GMDS: variants seen among roughly 807,000 people sequenced by gnomAD.
The protein encoded by GMDS is GDP-mannose 4,6 dehydratase.
GMDS carries 20 observed loss-of-function variants against 49.9 expected under a neutral mutation model. The ratio of observed to expected loss-of-function variants is 0.40; its 90% CI spans 0.28 to 0.58. The LOEUF (loss-of-function observed/expected upper bound fraction) is 0.58, where lower values mean the gene tolerates loss of function less well. Among genes scored for constraint, GMDS ranks in the 20% least tolerant of loss-of-function variants. The probability of loss-of-function intolerance (pLI) is 0.42; values close to 1 mark genes in which losing one functional copy is unlikely to be tolerated. For missense variants in GMDS, 362 were observed against 481.4 expected (o/e 0.75, Z 2.32); for synonymous variants, 177 against 178.6 (o/e 0.99, Z 0.07).
At chr6:2,030,074 G>A (rs1581541285) in intron 4 of GMDS, among the ~76,000 whole-genome samples, 1 of 151,806 alleles carries the variant, frequency 6.6e-6, no homozygotes, top group Non-Finnish European at 1.5e-5. Flanking sequence ...GAGGAGGGAA[G>A]CGGGTGCCCA....
At chr6:2,120,297 G>A (rs76891371) in intron 2 of GMDS, among the ~76,000 whole-genome samples, 1,975 of 152,152 alleles carry the variant, frequency 0.013, 41 homozygotes, top group African/African-American at 0.045. Flanking sequence ...GGTCAGCCCT[G>A]CCAACACTCA....
chr6:2,137,561 C>T (rs980459952), intron 1 of GMDS, among the ~76,000 whole-genome samples: 3 of 152,030 alleles, frequency 2.0e-5, no homozygotes, highest in East Asian at 1.9e-4. Flanking sequence ...CTCAAACTCC[C>T]GACCTCAGGT....
intron 4 of GMDS, among the ~76,000 whole-genome samples, chr6:2,051,700 T>A (rs1770406023): frequency 6.6e-6 from 1 of 152,184 alleles, no homozygotes; most frequent in Non-Finnish European, 1.5e-5. Flanking sequence ...AAGAATATGT[T>A]TAAGTCTGGT....
At chr6:1,787,148 A>G (rs2113626299) in intron 7 of GMDS, among the ~76,000 whole-genome samples, 1 of 152,378 alleles carries the variant, frequency 6.6e-6, no homozygotes, top group South Asian at 2.1e-4. Context: ...TCCCCTGGCT[A>G]AGCTGCCATC....
chr6:1,718,306 G>A (rs1030097085), intron 9 of GMDS, among the ~76,000 whole-genome samples: 3 of 152,124 alleles, frequency 2.0e-5, no homozygotes, highest in Admixed American at 6.5e-5. Context: ...CGAAGGCACC[G>A]GGAGTGTGAC....
intron 7 of GMDS, among the ~76,000 whole-genome samples, chr6:1,772,870 T>G (rs567587541): frequency 3.7e-4 from 56 of 152,374 alleles, no homozygotes; most frequent in African/African-American, 1.3e-3. Flanking sequence ...ACCTCTGTGT[T>G]CCTGTTTAAT....
At chr6:1,948,458 C>T (rs1232893088) in intron 6 of GMDS, among the ~76,000 whole-genome samples, 1 of 152,010 alleles carries the variant, frequency 6.6e-6, no homozygotes, top group Non-Finnish European at 1.5e-5. Context: ...AAGATTTTTA[C>T]AGGACCATTA....
At chr6:2,101,302 A>C (rs1773910773) in intron 4 of GMDS, among the ~76,000 whole-genome samples, 1 of 151,912 alleles carries the variant, frequency 6.6e-6, no homozygotes, top group Non-Finnish European at 1.5e-5. Context: ...TGGTAAAAAA[A>C]CACTAAAAAA....
At chr6:2,235,178 C>T (rs1040772301) in intron 1 of GMDS, among the ~76,000 whole-genome samples, 1 of 152,086 alleles carries the variant, frequency 6.6e-6, no homozygotes, top group African/African-American at 2.4e-5. Flanking sequence ...CACAAAGGTG[C>T]CACAGCCAAC....
chr6:1,767,404 G>A (rs917525398), intron 7 of GMDS, among the ~76,000 whole-genome samples: 2 of 152,186 alleles, frequency 1.3e-5, no homozygotes, highest in East Asian at 3.8e-4. Context: ...AGGAAAAAAA[G>A]ATGGCCAAGC....
chr6:1,732,065 C>T (rs1292486869), intron 8 of GMDS, among the ~76,000 whole-genome samples: 4 of 152,224 alleles, frequency 2.6e-5, no homozygotes, highest in Non-Finnish European at 4.4e-5. Context: ...TGGTGGCTCA[C>T]GCCTGTAATC....
intron 7 of GMDS, among the ~76,000 whole-genome samples, chr6:1,768,573 T>C (rs893349732): frequency 4.6e-5 from 7 of 152,230 alleles, no homozygotes; most frequent in African/African-American, 7.2e-5. Flanking sequence ...AATATACAGG[T>C]TGAGTACCCC....
At chr6:2,151,110 T>A (rs528546782) in intron 1 of GMDS, among the ~76,000 whole-genome samples, 1 of 152,252 alleles carries the variant, frequency 6.6e-6, no homozygotes, top group East Asian at 1.9e-4. Context: ...TAGTATTTGC[T>A]AGCACAACAG....
chr6:1,712,832 T>C (rs1477288574), intron 9 of GMDS, among the ~76,000 whole-genome samples: 1 of 151,628 alleles, frequency 6.6e-6, no homozygotes, highest in Non-Finnish European at 1.5e-5. Flanking sequence ...TAGCAAGCAA[T>C]AGGTTATTAA....
chr6:1,894,737 A>G (rs766308275), intron 7 of GMDS, among the ~76,000 whole-genome samples: 2 of 152,206 alleles, frequency 1.3e-5, no homozygotes, highest in African/African-American at 2.4e-5. Flanking sequence ...TCATTTTTTT[A>G]AAAAATTCTG....
At chr6:2,026,459 T>A (rs1383898134) in intron 4 of GMDS, among the ~76,000 whole-genome samples, 1 of 152,154 alleles carries the variant, frequency 6.6e-6, no homozygotes, top group African/African-American at 2.4e-5. Flanking sequence ...ACACGAGACA[T>A]AAAGAGAAGG....
chr6:1,659,247 A>G (rs1477510236), intron 9 of GMDS, among the ~76,000 whole-genome samples: 1 of 150,656 alleles, frequency 6.6e-6, no homozygotes, highest in African/African-American at 2.5e-5. Flanking sequence ...TGCATGTTTT[A>G]CATATCATAA....
Position 1,996,427 on chromosome 6 carries a change from C to T in GMDS, c.346-35461G>A, listed in dbSNP as rs182728439. Among the ~76,000 whole-genome samples, 822 of 152,258 alleles carry T rather than the reference C, an allele frequency of 5.4e-3. 9 individuals carry two copies. The highest frequency in any genetic ancestry group is 0.037 in the Middle Eastern group (11 of 294). On this transcript the variant is annotated intron_variant, in intron 4 of 10. Coordinates refer to ENST00000380815, the MANE Select transcript of GMDS (RefSeq NM_001500.4). ...TCTTCCCTGCTTTAGTAGACTACCTCTATTAGAACTAAGCTCATGTAACAG... is the reference window on the plus strand; with the variant it reads ...TCTTCCCTGCTTTAGTAGACTACCTTTATTAGAACTAAGCTCATGTAACAG...
chr6:1,936,315 A>T (rs1467537055), intron 6 of GMDS, among the ~76,000 whole-genome samples: 1 of 152,202 alleles, frequency 6.6e-6, no homozygotes, highest in Non-Finnish European at 1.5e-5. Flanking sequence ...GCAGTCGCTG[A>T]AATGGTGCAT....
Sources: gnomAD v4.1 joint callset for allele counts (sites outside exome capture counted in the v4.1 genomes callset) on GRCh38, gnomAD v4.1.1 for gene constraint, MANE v1.5 for transcripts, NCBI Gene and HGNC (gene_info 2026-07-23, HGNC 2026-07-21) for gene names.